STX18: variants seen among roughly 807,000 people sequenced by gnomAD.
STX18 encodes syntaxin-18.
A neutral mutation model predicts 50.1 loss-of-function variants in STX18; 40 were observed. The observed-to-expected ratio is 0.80, with a 90% CI of 0.62 to 1.04. The LOEUF (loss-of-function observed/expected upper bound fraction) is 1.04, where lower values mean the gene tolerates loss of function less well. STX18 is among the 50% of genes least tolerant of loss of function. STX18 has a pLI of 0.00. For missense variants in STX18, 410 were observed against 415.8 expected (o/e 0.99, Z 0.12); for synonymous variants, 158 against 151.8 (o/e 1.04, Z -0.30).
At chr4:4,465,555 T>C (rs907774898) in intron 2 of STX18, among the ~76,000 whole-genome samples, 1 of 152,134 alleles carries the variant, frequency 6.6e-6, no homozygotes, top group South Asian at 2.1e-4. Flanking sequence ...AGCTGAATTA[T>C]GGGAACGCAT....
At chr4:4,448,594 G>A (rs573881301) in intron 5 of STX18, among the ~76,000 whole-genome samples, 3 of 152,154 alleles carry the variant, frequency 2.0e-5, no homozygotes, top group East Asian at 1.9e-4. Flanking sequence ...CACCTGCCTC[G>A]GCCTCCCAAA....
chr4:4,488,973 A>G (rs1361987674), intron 1 of STX18, among the ~76,000 whole-genome samples: 1 of 152,176 alleles, frequency 6.6e-6, no homozygotes, highest in Non-Finnish European at 1.5e-5. Context: ...TGCTTGTCAG[A>G]TGTCAATAAT....
intron 1 of STX18, among the ~76,000 whole-genome samples, chr4:4,527,867 C>CACACATATATATATATAT (rs372566368): frequency 2.6e-4 from 36 of 137,206 alleles, no homozygotes; most frequent in African/African-American, 8.7e-4. Flanking sequence ...CACACACACA[C>CACACATATATATATATAT]ATATATATAT....
intron 2 of STX18, among the ~76,000 whole-genome samples, chr4:4,460,720 T>C (rs1727333450): frequency 6.6e-6 from 1 of 152,206 alleles, no homozygotes; most frequent in African/African-American, 2.4e-5. Flanking sequence ...TAGTTCCTTA[T>C]TCCAATGCTC....
At chr4:4,519,317 A>G (rs1382217136) in intron 1 of STX18, among the ~76,000 whole-genome samples, 1 of 152,176 alleles carries the variant, frequency 6.6e-6, no homozygotes, top group Non-Finnish European at 1.5e-5. Flanking sequence ...TCTATTTTTA[A>G]TAAGAGATTA....
At chr4:4,423,329 C>G (rs955718807) in intron 9 of STX18, among the ~76,000 whole-genome samples, 189 bp downstream of exon 9, 1 of 152,344 alleles carries the variant, frequency 6.6e-6, no homozygotes, top group Admixed American at 6.5e-5. Flanking sequence ...CTCCATCACA[C>G]GTGTGCAGAG....
chr4:4,527,867 C>CATATATATATATATATATATATAT (rs1553851958), intron 1 of STX18, among the ~76,000 whole-genome samples: 1 of 137,208 alleles, frequency 7.3e-6, no homozygotes, highest in African/African-American at 2.6e-5. Context: ...CACACACACA[C>CATATATATATATATATATATATAT]ATATATATAT....
intron 2 of STX18, among the ~76,000 whole-genome samples, chr4:4,461,211 A>G (rs1019614701): frequency 6.6e-6 from 1 of 152,242 alleles, no homozygotes; most frequent in African/African-American, 2.4e-5. Context: ...GAAACATTAT[A>G]TATATACATT....
Position 4,484,152 on chromosome 4 carries a change from G to C in STX18, c.169-12446C>G, listed in dbSNP as rs188418800. ...GCTGGGATTACAGGTGTGAGCCACC[G>C]TGCCCGGCCCCTTCCTCTCAGGAAT... On this transcript the variant is annotated intron_variant, in intron 1 of 10. Transcript: ENST00000306200. Among the ~76,000 whole-genome samples the C allele has an allele frequency of 6.3e-4, 96 of 152,154 alleles. No individual in the cohort carries two copies. The East Asian group carries it at 0.011, about 18-fold the overall frequency.
Position 4,434,758 on chromosome 4 carries a change from G to C in STX18, c.702+12C>G. ...AGTTAAAAATAAATAATTAGGCAGA[G>C]AATAGCATTACCATTTGTATTTCTT... On this transcript the variant is annotated intron_variant, in intron 7 of 10. Coordinates refer to ENST00000306200, the MANE Select transcript of STX18 (RefSeq NM_016930.4). 6.3e-7 allele frequency: 1 copy of C among 1,595,004 alleles called. No homozygotes were observed. Among genetic ancestry groups the C allele is most frequent in the African/African-American group, 1.3e-5 (1 of 74,154 alleles).
chr4:4,527,897 A>C (rs1730872436), intron 1 of STX18, among the ~76,000 whole-genome samples: 1 of 140,386 alleles, frequency 7.1e-6, no homozygotes. Flanking sequence ...ACTACCTTAA[A>C]TTAAAAGGCA....
intron 8 of STX18, chr4:4,423,836 CTCAG>C: frequency 1.9e-6 from 1 of 532,706 alleles, no homozygotes; most frequent in South Asian, 2.1e-5. Flanking sequence ...CCAACTGACC[CTCAG>C]TCCCAAGAGG....
intron 5 of STX18, among the ~76,000 whole-genome samples, chr4:4,444,850 C>T (rs190534416): frequency 9.7e-4 from 148 of 152,170 alleles, no homozygotes; most frequent in African/African-American, 3.4e-3. Flanking sequence ...AACATGGGTG[C>T]GCTGGGTGCA....
intron 7 of STX18, among the ~76,000 whole-genome samples, chr4:4,431,050 C>T (rs142967082): frequency 4.8e-4 from 73 of 152,244 alleles, no homozygotes; most frequent in African/African-American, 1.5e-3. Flanking sequence ...TGCTAAGTCA[C>T]GCAGCTGTAA....
rs1560180964 is a variant in STX18, at chr4:4,471,713, TTAAA to T, written c.169-11_169-8del. 2 of 1,575,436 alleles carry T rather than the reference TTAAA, an allele frequency of 1.3e-6. No homozygotes were observed. Among genetic ancestry groups the T allele is most frequent in the East Asian group, 4.5e-5 (2 of 44,478 alleles). ...GTTTGCCAATGTGAGAAATCTAAAA[TTAAA>T]AAAGAAAGCCAACAGTTTATATAGA... On this transcript the variant is annotated splice_polypyrimidine_tract_variant and splice_region_variant and intron_variant, in intron 1 of 10. Coordinates refer to ENST00000306200, the MANE Select transcript of STX18 (RefSeq NM_016930.4).
chr4:4,445,476 T>A (rs1398074585), intron 5 of STX18, among the ~76,000 whole-genome samples: 1 of 151,958 alleles, frequency 6.6e-6, no homozygotes, highest in East Asian at 1.9e-4. Flanking sequence ...TAGAACTACA[T>A]GTGAATTAAT....
chr4:4,521,779 T>G (rs1005023535), intron 1 of STX18, among the ~76,000 whole-genome samples: 1 of 152,232 alleles, frequency 6.6e-6, no homozygotes, highest in African/African-American at 2.4e-5. Context: ...AGTGAAGTTT[T>G]AATTTAATAT....
chr4:4,534,587 G>A (rs1192249449), intron 1 of STX18, among the ~76,000 whole-genome samples: 1 of 152,176 alleles, frequency 6.6e-6, no homozygotes, highest in Admixed American at 6.5e-5. Flanking sequence ...AGCTCTCCAT[G>A]TCAGTCTTGT....
chr4:4,428,535 GCTGT>G (rs1725368770), intron 7 of STX18, among the ~76,000 whole-genome samples: 1 of 152,090 alleles, frequency 6.6e-6, no homozygotes, highest in South Asian at 2.1e-4. Flanking sequence ...CTCGGTGAAG[GCTGT>G]CTATCATGAT....
Sources: allele counts gnomAD v4.1 joint callset (sites outside exome capture counted in the v4.1 genomes callset), GRCh38; gene constraint gnomAD v4.1.1; transcripts MANE v1.5; gene names NCBI Gene and HGNC (gene_info 2026-07-23, HGNC 2026-07-21).